Variants in MGAM2 observed in about 807,000 individuals in gnomAD.
MGAM2 encodes the protein maltase-glucoamylase 2 (putative), also known as probable maltase-glucoamylase 2.
In MGAM2, 98 loss-of-function variants were observed where a neutral mutation model predicts 96.1. The observed-to-expected ratio is 1.02, with a 90% CI of 0.87 to 1.21. The LOEUF is 1.21. Among genes scored for constraint, MGAM2 ranks in the 50% most tolerant of loss-of-function variants. MGAM2 has a pLI of 0.00. For synonymous variants in MGAM2, 749 were observed against 414.8 expected (o/e 1.81, Z -9.79); for missense variants, 2,055 against 1,182.4 (o/e 1.74, Z -10.82).
chr7:142,208,751 C>T, intron 46 of MGAM2, 129 bp downstream of exon 46: 1 of 595,616 alleles, frequency 1.7e-6, no homozygotes. Context: ...CTTTTATAAT[C>T]CAGGTCTGTT....
intron 1 of MGAM2, among the ~76,000 whole-genome samples, chr7:142,114,214 G>GAAAT (rs1365981658): frequency 7.7e-6 from 1 of 129,272 alleles, no homozygotes. Flanking sequence ...AAGAAAGAAA[G>GAAAT]AGAGAAAGAA....
intron 1 of MGAM2, among the ~76,000 whole-genome samples, chr7:142,116,650 T>C (rs1439116437): frequency 2.0e-5 from 3 of 152,302 alleles, no homozygotes; most frequent in South Asian, 2.1e-4. Context: ...TCAGTTCCTC[T>C]ACATGCAAAA....
At chr7:142,203,799 A>G (rs1234725859) in intron 45 of MGAM2, among the ~76,000 whole-genome samples, 5 of 152,174 alleles carry the variant, frequency 3.3e-5, no homozygotes, top group African/African-American at 7.2e-5. Flanking sequence ...CATGTGCAGA[A>G]GAATGAAACT....
intron 3 of MGAM2, among the ~76,000 whole-genome samples, chr7:142,129,946 T>C (rs916489192): frequency 7.3e-5 from 11 of 151,574 alleles, no homozygotes; most frequent in African/African-American, 2.7e-4. Context: ...GTAATTTTTT[T>C]CTTAAAATCA....
rs537711848 is a variant in MGAM2 at position 142,181,399 on chromosome 7, T to C, written c.3817-1867T>C. 8.1e-4 allele frequency among the ~76,000 whole-genome samples: 124 copies of C among 152,308 alleles called. 1 individual carries two copies. Among genetic ancestry groups the C allele is most frequent in the Admixed American group, 1.6e-3 (24 of 15,302 alleles). ...TTTGGTGGTGTAATTTAGGCTGCGA[T>C]ACAGTAGATGGTGTTTAAGAGTAAG... On this transcript the variant is annotated intron_variant, in intron 32 of 47. Coordinates refer to ENST00000477922, the MANE Select transcript of MGAM2 (RefSeq NM_001293626.2).
chr7:142,216,340 T>C (rs1797759638), intron 46 of MGAM2, among the ~76,000 whole-genome samples: 1 of 152,236 alleles, frequency 6.6e-6, no homozygotes, highest in Non-Finnish European at 1.5e-5. Flanking sequence ...AGAGACACTG[T>C]TTAATCTGTG....
intron 45 of MGAM2, among the ~76,000 whole-genome samples, chr7:142,206,786 A>G (rs1797414605): frequency 6.6e-6 from 1 of 152,226 alleles, no homozygotes; most frequent in African/African-American, 2.4e-5. Context: ...TCAGACTACT[A>G]AGATACAGTG....
chr7:142,206,164 G>T (rs1322102558), intron 45 of MGAM2, among the ~76,000 whole-genome samples: 1 of 152,038 alleles, frequency 6.6e-6, no homozygotes, highest in Admixed American at 6.5e-5. Context: ...TCTTATGTCA[G>T]CACTGCACTG....
rs901407215 is a variant in MGAM2, at chr7:142,160,037, C to T, written c.2221-97C>T. The T allele has an allele frequency of 4.8e-5, 29 of 601,174 alleles. No homozygotes were observed. In the Admixed American group the frequency reaches 6.3e-4, roughly 13 times the overall value. 37.2% of individuals were successfully genotyped at this position (601,174 alleles called of 1,614,324 possible). A position where few individuals can be genotyped will look rare whatever the true frequency, so the allele number is the denominator to read the frequency against. On this transcript the variant is annotated intron_variant, in intron 20 of 47. Coordinates refer to ENST00000477922, the MANE Select transcript of MGAM2 (RefSeq NM_001293626.2). ...CTTTGGGGTTCTCTGTTTGTCTCTT[C>T]TTTAAAATATGTCAACTGAATGAGA...
chr7:142,135,538 G>A (rs1359978873), intron 7 of MGAM2, among the ~76,000 whole-genome samples: 4 of 151,786 alleles, frequency 2.6e-5, no homozygotes, highest in Admixed American at 1.3e-4. Flanking sequence ...ATCTAGCTGA[G>A]GCTTATTGAT....
At chr7:142,195,899 C>T (rs1797019226) in intron 37 of MGAM2, among the ~76,000 whole-genome samples, 1 of 152,126 alleles carries the variant, frequency 6.6e-6, no homozygotes, top group Non-Finnish European at 1.5e-5. Flanking sequence ...CCACCCCTTT[C>T]TCTTACTCCA....
intron 46 of MGAM2, among the ~76,000 whole-genome samples, chr7:142,215,377 CA>C (rs1423253879): frequency 1.3e-5 from 2 of 151,620 alleles, no homozygotes; most frequent in Admixed American, 1.3e-4. Flanking sequence ...TTGATGGATG[CA>C]GCAAACCACC....
chr7:142,124,477 G>A (rs1336038805), intron 3 of MGAM2, among the ~76,000 whole-genome samples: 1 of 152,020 alleles, frequency 6.6e-6, no homozygotes, highest in Non-Finnish European at 1.5e-5. Flanking sequence ...CTTTATGATA[G>A]GTCTTAATGT....
chr7:142,202,550 T>C (rs1013901058), intron 45 of MGAM2, among the ~76,000 whole-genome samples: 1 of 152,214 alleles, frequency 6.6e-6, no homozygotes, highest in African/African-American at 2.4e-5. Context: ...CTCCCACTTA[T>C]AAGTAAGAAA....
At chr7:142,112,700 A>G (rs1817215906) in intron 1 of MGAM2, among the ~76,000 whole-genome samples, 1 of 152,246 alleles carries the variant, frequency 6.6e-6, no homozygotes, top group South Asian at 2.1e-4. Context: ...TCTCAGTTCC[A>G]CCACTAACCG....
intron 45 of MGAM2, among the ~76,000 whole-genome samples, chr7:142,200,329 C>T (rs1290343834): frequency 6.6e-6 from 1 of 152,118 alleles, no homozygotes; most frequent in Non-Finnish European, 1.5e-5. Context: ...TTTGGATCAG[C>T]CATCTATACC....
At chr7:142,134,492 T>G (rs1794996471) in intron 7 of MGAM2, among the ~76,000 whole-genome samples, 1 of 152,138 alleles carries the variant, frequency 6.6e-6, no homozygotes, top group South Asian at 2.1e-4. Flanking sequence ...AAGGCTTCAG[T>G]AGGAGCCAAG....
intron 32 of MGAM2, among the ~76,000 whole-genome samples, chr7:142,181,329 T>C (rs1563279938): frequency 6.6e-6 from 1 of 152,194 alleles, no homozygotes; most frequent in South Asian, 2.1e-4. Flanking sequence ...GAGATATTTA[T>C]CTGTGGCTGA....
At position 142,198,678 on chromosome 7, in the gene MGAM2, C is replaced by T. The variant is rs966847057; in HGVS notation, c.4987C>T (p.Leu1663Phe). Reference sequence around the variant, plus strand: ...GAAGGCTCCCCTTGACCACATCAACCTTCATGTCAGAGGAGGCTACATCCT... The same window carrying T: ...GAAGGCTCCCCTTGACCACATCAACTTTCATGTCAGAGGAGGCTACATCCT... ...ILKAPLDHIN[L>F]HVRGGYILPW... Residue 1663 changes from leucine to phenylalanine, a missense_variant, in exon 44 of 48, where the codon CTT becomes TTT. Leu to Phe is a conservative substitution (Grantham distance 22). Coordinates refer to ENST00000477922, the MANE Select transcript of MGAM2 (RefSeq NM_001293626.2). 3 of 703,796 alleles carry T rather than the reference C, an allele frequency of 4.3e-6. No homozygotes were observed. Among genetic ancestry groups the T allele is most frequent in the African/African-American group, 3.5e-5 (2 of 57,260 alleles). The allele number at this position is 703,796 out of a possible 1,614,324, so 43.6% of individuals were successfully genotyped here. A position where few individuals can be genotyped will look rare whatever the true frequency, so the allele number is the denominator to read the frequency against.
Sources: gnomAD v4.1 joint callset for allele counts (sites outside exome capture counted in the v4.1 genomes callset) on GRCh38, gnomAD v4.1.1 for gene constraint, MANE v1.5 for transcripts, NCBI Gene and HGNC (gene_info 2026-07-23, HGNC 2026-07-21) for gene names.